Variants in GRIA4 observed in about 807,000 individuals in gnomAD.
The protein encoded by GRIA4 is glutamate receptor 4.
GRIA4 carries 34 observed loss-of-function variants against 104.0 expected under a neutral mutation model. The ratio of observed to expected loss-of-function variants is 0.33; its 90% confidence interval spans 0.25 to 0.44. GRIA4 has a LOEUF of 0.44. Ranked by LOEUF, GRIA4 falls within the 20% of genes least tolerant of loss-of-function variation. The pLI is 1.00. For missense variants in GRIA4, 750 were observed against 1,096.5 expected (o/e 0.68, Z 4.46); for synonymous variants, 386 against 381.9 (o/e 1.01, Z -0.13).
chr11:105,920,407 T>C (rs1027150430), intron 11 of GRIA4, among the ~76,000 whole-genome samples: 11 of 152,278 alleles, frequency 7.2e-5, no homozygotes, highest in Admixed American at 2.6e-4. Flanking sequence ...CTGTAATTCA[T>C]TTCCTTTAGA....
intron 4 of GRIA4, among the ~76,000 whole-genome samples, chr11:105,826,169 T>C (rs610160): frequency 0.17 from 25,926 of 151,866 alleles, 2,603 homozygotes; most frequent in African/African-American, 0.27. Flanking sequence ...CAGCTGAAAT[T>C]GGGGTAGCAT....
At chr11:105,806,845 A>C (rs1942973533) in intron 4 of GRIA4, among the ~76,000 whole-genome samples, 1 of 151,830 alleles carries the variant, frequency 6.6e-6, no homozygotes, top group East Asian at 1.9e-4. Context: ...TTCAAAAAAC[A>C]ACAAAAAAGA....
intron 14 of GRIA4, among the ~76,000 whole-genome samples, chr11:105,950,461 C>T (rs534506558): frequency 3.9e-5 from 6 of 152,186 alleles, no homozygotes; most frequent in African/African-American, 1.4e-4. Flanking sequence ...ATTCATTATA[C>T]TGAAGCTTCT....
chr11:105,854,705 G>A lies in GRIA4; in HGVS notation c.488-7319G>A, dbSNP rs577389629. Among the ~76,000 whole-genome samples, 11 of 152,194 alleles carry A rather than the reference G, an allele frequency of 7.2e-5. No individual in the cohort carries two copies. The South Asian group carries it at 1.5e-3, about 20-fold the overall frequency. ...GCCTTGACAGAATATGCTAAAATACGAGATGTGATTGTGAGAGAAAGAATG... is the reference window on the plus strand; with the variant it reads ...GCCTTGACAGAATATGCTAAAATACAAGATGTGATTGTGAGAGAAAGAATG... On this transcript the variant is annotated intron_variant, in intron 4 of 16. Coordinates refer to ENST00000282499, the MANE Select transcript of GRIA4 (RefSeq NM_000829.4).
chr11:105,879,939 A>G (rs1591387942), intron 5 of GRIA4, among the ~76,000 whole-genome samples: 1 of 152,304 alleles, frequency 6.6e-6, no homozygotes, highest in Non-Finnish European at 1.5e-5. Context: ...TATGGAAACT[A>G]TAGTCAAAAG....
At chr11:105,881,160 T>G (rs1321484214) in intron 5 of GRIA4, among the ~76,000 whole-genome samples, 1 of 152,140 alleles carries the variant, frequency 6.6e-6, no homozygotes, top group Admixed American at 6.6e-5. Flanking sequence ...AGGAGGCTAG[T>G]GTAGAACAAA....
chr11:105,624,031 C>T (rs1040191581), intron 3 of GRIA4, among the ~76,000 whole-genome samples: 8 of 151,770 alleles, frequency 5.3e-5, no homozygotes, highest in Non-Finnish European at 7.4e-5. Flanking sequence ...GTTATATTAT[C>T]GAAAAATCAA....
chr11:105,735,327 C>T (rs2135628606), intron 3 of GRIA4, among the ~76,000 whole-genome samples: 1 of 152,078 alleles, frequency 6.6e-6, no homozygotes, highest in Admixed American at 6.6e-5. Context: ...TCTTAATCAG[C>T]AAAAGAGAAA....
intron 9 of GRIA4, among the ~76,000 whole-genome samples, chr11:105,908,573 CTT>C (rs5794434): frequency 0.093 from 12,678 of 135,758 alleles, 730 homozygotes; most frequent in Admixed American, 0.2. Flanking sequence ...ATGACTTTCT[CTT>C]TTTTTTTTTT....
intron 4 of GRIA4, among the ~76,000 whole-genome samples, chr11:105,817,143 A>T (rs1421575886): frequency 6.6e-6 from 1 of 151,898 alleles, no homozygotes; most frequent in African/African-American, 2.4e-5. Flanking sequence ...CAAAGCTGCA[A>T]TTTCCTCATC....
intron 10 of GRIA4, among the ~76,000 whole-genome samples, chr11:105,914,535 AATC>A (rs1381920116): frequency 1.3e-5 from 2 of 152,174 alleles, no homozygotes; most frequent in Non-Finnish European, 2.9e-5. Flanking sequence ...ATTGATTAAA[AATC>A]ATCATAATTA....
rs115671067 is a variant in GRIA4, at chr11:105,813,502, G to A, written c.488-48522G>A. Among the ~76,000 whole-genome samples, 358 of 152,186 alleles carry A rather than the reference G, an allele frequency of 2.4e-3. 1 individual carries two copies. The highest frequency in any genetic ancestry group is 8.0e-3 in the African/African-American group (334 of 41,532). On this transcript the variant is annotated intron_variant, in intron 4 of 16. Coordinates refer to ENST00000282499, the MANE Select transcript of GRIA4 (RefSeq NM_000829.4). ...GTGGATAAGCAATCAATATTTTCCC[G>A]TGAAGAAACATGGTGTTGGGACACT...
intron 3 of GRIA4, among the ~76,000 whole-genome samples, chr11:105,638,905 G>A (rs1951282848): frequency 6.6e-6 from 1 of 151,882 alleles, no homozygotes; most frequent in Non-Finnish European, 1.5e-5. Context: ...TTTTATTAGT[G>A]AAGTTGCCGA....
intron 5 of GRIA4, among the ~76,000 whole-genome samples, chr11:105,879,318 C>T (rs985745882): frequency 6.6e-6 from 1 of 152,086 alleles, no homozygotes; most frequent in Non-Finnish European, 1.5e-5. Context: ...AGTGGCAGAC[C>T]GGAGCTGTTC....
intron 4 of GRIA4, among the ~76,000 whole-genome samples, chr11:105,831,744 A>G (rs1310398431): frequency 6.6e-6 from 1 of 152,022 alleles, no homozygotes; most frequent in Non-Finnish European, 1.5e-5. Context: ...CCATTGAGAT[A>G]GGGGAGCAAG....
chr11:105,964,148 A>T (rs1424008607), intron 14 of GRIA4, among the ~76,000 whole-genome samples: 1 of 152,198 alleles, frequency 6.6e-6, no homozygotes, highest in African/African-American at 2.4e-5. Context: ...CCTACATTTC[A>T]ATCTGGTCCT....
chr11:105,752,223 G>C (rs11226839), intron 3 of GRIA4, among the ~76,000 whole-genome samples: 4 of 152,044 alleles, frequency 2.6e-5, no homozygotes, highest in Non-Finnish European at 5.9e-5. Flanking sequence ...AGATGAGGCC[G>C]TGTACCTGTT....
chr11:105,816,209 T>C (rs1943368831), intron 4 of GRIA4, among the ~76,000 whole-genome samples: 1 of 152,186 alleles, frequency 6.6e-6, no homozygotes, highest in South Asian at 2.1e-4. Context: ...AAGTTGTTTG[T>C]ATTTAAAAAT....
chr11:105,625,101 G>A (rs1045768822), intron 3 of GRIA4, among the ~76,000 whole-genome samples: 3 of 152,006 alleles, frequency 2.0e-5, no homozygotes, highest in Non-Finnish European at 4.4e-5. Context: ...TCTGTATCTT[G>A]TATATGCCTT....
Sources: gnomAD v4.1 joint callset for allele counts (sites outside exome capture counted in the v4.1 genomes callset) on GRCh38, gnomAD v4.1.1 for gene constraint, MANE v1.5 for transcripts, NCBI Gene and HGNC (gene_info 2026-07-23, HGNC 2026-07-21) for gene names.